EPM2A: variants seen among roughly 807,000 people sequenced by gnomAD.
EPM2A encodes laforin.
Under a neutral mutation model 26.5 loss-of-function variants are expected in EPM2A, and 21 were observed. The ratio of observed to expected loss-of-function variants is 0.79; its 90% confidence interval spans 0.56 to 1.14. EPM2A has a LOEUF of 1.14. EPM2A is among the 50% of genes most tolerant of loss of function. The pLI, the probability that EPM2A is intolerant of heterozygous loss-of-function variation, is 0.00. For missense variants in EPM2A, 458 were observed against 440.8 expected, an observed-to-expected ratio of 1.04 and a Z score of -0.35; for synonymous variants, 217 against 177.6, an observed-to-expected ratio of 1.22 and a Z score of -1.76.
intron 1 of EPM2A, among the ~76,000 whole-genome samples, chr6:145,693,815 A>G (rs1477904268): frequency 6.6e-6 from 1 of 151,978 alleles, no homozygotes; most frequent in African/African-American, 2.4e-5. Flanking sequence ...AAAAACATCT[A>G]TTTCTTCAGA....
At chr6:145,482,600 C>T (rs140840031) in intron 4 of EPM2A, among the ~76,000 whole-genome samples, 3 of 152,084 alleles carry the variant, frequency 2.0e-5, no homozygotes, top group African/African-American at 7.2e-5. Context: ...GAGGACTGGG[C>T]CATTAGTAAG....
chr6:145,506,173 T>A (rs1779970902), intron 2 of EPM2A, among the ~76,000 whole-genome samples: 1 of 152,242 alleles, frequency 6.6e-6, no homozygotes, highest in Admixed American at 6.5e-5. Flanking sequence ...GGGAGCATAG[T>A]TGATTTGTGT....
At chr6:145,439,701 A>G (rs13196064) in intron 4 of EPM2A, among the ~76,000 whole-genome samples, 11 of 152,058 alleles carry the variant, frequency 7.2e-5, no homozygotes, top group Non-Finnish European at 1.6e-4. Context: ...AGTTCCTTGA[A>G]GATTTTGGAT....
At chr6:145,642,167 C>A (rs372207235) in intron 2 of EPM2A, among the ~76,000 whole-genome samples, 1 of 152,122 alleles carries the variant, frequency 6.6e-6, no homozygotes, top group Non-Finnish European at 1.5e-5. Context: ...AATAACCAGG[C>A]TACGACTTGG....
intron 2 of EPM2A, among the ~76,000 whole-genome samples, chr6:145,613,701 C>A (rs913096136): frequency 1.3e-5 from 2 of 152,092 alleles, no homozygotes; most frequent in African/African-American, 4.8e-5. Context: ...TGTCAATAAG[C>A]ATTTGTATTT....
At chr6:145,574,987 C>T (rs1202190266) in intron 2 of EPM2A, among the ~76,000 whole-genome samples, 1 of 152,160 alleles carries the variant, frequency 6.6e-6, no homozygotes, top group Admixed American at 6.5e-5. Context: ...GGGTCATGCT[C>T]TCAACATCAC....
intron 1 of EPM2A, among the ~76,000 whole-genome samples, chr6:145,717,619 G>A (rs138064734): frequency 1.3e-3 from 199 of 152,200 alleles, no homozygotes; most frequent in African/African-American, 4.5e-3. Flanking sequence ...TCTGGCCACG[G>A]CAATTAGGCA....
chr6:145,411,565 TA>T (rs111501027), intron 4 of EPM2A, among the ~76,000 whole-genome samples: 8,950 of 148,652 alleles, frequency 0.06, 290 homozygotes, highest in African/African-American at 0.073. Context: ...TTGAGAATGG[TA>T]AAAAAAAAAA....
intron 2 of EPM2A, among the ~76,000 whole-genome samples, chr6:145,567,671 CTCTT>C (rs938906527): frequency 3.3e-5 from 5 of 152,224 alleles, no homozygotes; most frequent in Admixed American, 6.5e-5. Context: ...ATCTGTGAAA[CTCTT>C]TCCCCAACCA....
chr6:145,610,087 C>T lies in EPM2A; in HGVS notation c.340+25158G>A, dbSNP rs145599379. 2.4e-3 allele frequency among the ~76,000 whole-genome samples: 371 copies of T among 152,008 alleles called. 2 individuals are homozygous for T. The highest frequency in any genetic ancestry group is 6.8e-3 in the Middle Eastern group (2 of 294). On this transcript the variant is annotated intron_variant, in intron 2 of 3. Transcript: ENST00000450221. Reference sequence around the variant, plus strand: ...AAAATTAGCGGGGCCTGGTGGCACGCGCCTGTAATCCCAGCTACTTAGGAG... The same window carrying T: ...AAAATTAGCGGGGCCTGGTGGCACGTGCCTGTAATCCCAGCTACTTAGGAG...
intron 3 of EPM2A, among the ~76,000 whole-genome samples, chr6:145,633,476 G>T (rs1323548940): frequency 2.0e-5 from 3 of 152,132 alleles, no homozygotes; most frequent in African/African-American, 7.2e-5. Context: ...CCTTAGGTCA[G>T]GTTACCAAGA....
chr6:145,408,314 C>G (rs1203237816), intron 4 of EPM2A, among the ~76,000 whole-genome samples: 1 of 152,150 alleles, frequency 6.6e-6, no homozygotes, highest in Non-Finnish European at 1.5e-5. Flanking sequence ...AGCACCCTTT[C>G]TCTTTGGCTT....
At chr6:145,585,827 A>G (rs1201491196) in intron 2 of EPM2A, among the ~76,000 whole-genome samples, 1 of 152,224 alleles carries the variant, frequency 6.6e-6, no homozygotes, top group Non-Finnish European at 1.5e-5. Flanking sequence ...ATATTAACCA[A>G]AATTGCAGCA....
At position 145,626,740 on chromosome 6, in the gene EPM2A, C is replaced by A. The variant is rs1158581281; in HGVS notation, c.*676G>T. On this transcript the variant is annotated 3_prime_UTR_variant, in exon 4 of 4. Coordinates refer to ENST00000367519, the MANE Select transcript of EPM2A (RefSeq NM_005670.4). Reference sequence around the variant, plus strand: ...TTCTTGACATCTCAACTATAAAAAACAAGGGTATTTTTTGCTTTGTTTGGT... The same window carrying A: ...TTCTTGACATCTCAACTATAAAAAAAAAGGGTATTTTTTGCTTTGTTTGGT... 2.0e-6 allele frequency: 2 copies of A among 985,926 alleles called. No individual in the cohort carries two copies. Among genetic ancestry groups the A allele is most frequent in the Non-Finnish European group, 2.4e-6 (2 of 830,454 alleles). 61.1% of individuals were successfully genotyped at this position (985,926 alleles called of 1,614,324 possible).
chr6:145,416,489 T>C (rs769076563), intron 4 of EPM2A, among the ~76,000 whole-genome samples: 1 of 152,224 alleles, frequency 6.6e-6, no homozygotes, highest in East Asian at 1.9e-4. Context: ...GTAGGATATA[T>C]TGAGCAACAA....
At position 145,434,430 on chromosome 6, in the gene EPM2A, G is replaced by C. The variant is rs1233245216; in HGVS notation, c.556-50333C>G. ...GATTAAACCCTATATCAAATTCTTAGACAATGAGTTCTTGTGAGATCTGGT... is the reference window on the plus strand; with the variant it reads ...GATTAAACCCTATATCAAATTCTTACACAATGAGTTCTTGTGAGATCTGGT... On this transcript the variant is annotated intron_variant, in intron 4 of 4. Coordinates refer to the EPM2A transcript ENST00000638717. Among the ~76,000 whole-genome samples, 3 of 151,880 alleles carry C rather than the reference G, an allele frequency of 2.0e-5. No homozygotes were observed. The East Asian group carries it at 5.8e-4, about 29-fold the overall frequency.
intron 4 of EPM2A, among the ~76,000 whole-genome samples, chr6:145,456,325 G>A (rs2114712800): frequency 6.6e-6 from 1 of 152,298 alleles, no homozygotes; most frequent in East Asian, 1.9e-4. Context: ...TACTTAGTAG[G>A]TGCCAAATAA....
At chr6:145,677,067 TC>T (rs1171109201) in intron 2 of EPM2A, among the ~76,000 whole-genome samples, 1 of 152,002 alleles carries the variant, frequency 6.6e-6, no homozygotes, top group Non-Finnish European at 1.5e-5. Context: ...CAGCAGCACA[TC>T]AAAAAGCTTA....
At chr6:145,523,444 T>C (rs1780230506) in intron 2 of EPM2A, among the ~76,000 whole-genome samples, 1 of 152,226 alleles carries the variant, frequency 6.6e-6, no homozygotes, top group African/African-American at 2.4e-5. Context: ...GTCTCTGTCA[T>C]ATCTTGACCA....
Sources: gnomAD v4.1 joint callset for allele counts (sites outside exome capture counted in the v4.1 genomes callset) on GRCh38, gnomAD v4.1.1 for gene constraint, MANE v1.5 for transcripts, NCBI Gene and HGNC (gene_info 2026-07-23, HGNC 2026-07-21) for gene names.